Variants in ADK observed in about 807,000 individuals in gnomAD.
ADK encodes the protein adenosine kinase.
In ADK, 24 loss-of-function variants were observed where a neutral mutation model predicts 44.7. The observed-to-expected ratio is 0.54, with a 90% CI of 0.39 to 0.76. ADK has a LOEUF of 0.76. Ranked by LOEUF, ADK falls within the 30% of genes least tolerant of loss-of-function variation. ADK has a pLI of 0.00. For missense variants in ADK, 321 were observed against 425.1 expected, an observed-to-expected ratio of 0.76 and a Z score of 2.15; for synonymous variants, 128 against 142.6, an observed-to-expected ratio of 0.90 and a Z score of 0.73.
intron 3 of ADK, among the ~76,000 whole-genome samples, chr10:74,257,002 AAG>A (rs949057069): frequency 2.0e-5 from 3 of 152,022 alleles, no homozygotes; most frequent in Non-Finnish European, 4.4e-5. Context: ...TACTGCAACT[AAG>A]AGTCATTTTG....
intron 9 of ADK, among the ~76,000 whole-genome samples, chr10:74,668,407 A>G (rs1242144184): frequency 6.6e-6 from 1 of 152,160 alleles, no homozygotes. Flanking sequence ...CAACTGCCAT[A>G]TAGGCCCTCA....
chr10:74,546,851 A>AC (rs1420784516), intron 7 of ADK, among the ~76,000 whole-genome samples: 1 of 152,140 alleles, frequency 6.6e-6, no homozygotes, highest in Non-Finnish European at 1.5e-5. Context: ...TCATCAAGGT[A>AC]CCTTTAAGCG....
At chr10:74,476,429 T>A (rs1846845100) in intron 6 of ADK, among the ~76,000 whole-genome samples, 1 of 151,842 alleles carries the variant, frequency 6.6e-6, no homozygotes, top group African/African-American at 2.4e-5. Flanking sequence ...GAGGCAGAGG[T>A]TGCAGTGAGT....
intron 9 of ADK, among the ~76,000 whole-genome samples, chr10:74,664,516 C>T (rs1179010979): frequency 6.6e-6 from 1 of 152,110 alleles, no homozygotes; most frequent in African/African-American, 2.4e-5. Context: ...ACATTACCTA[C>T]TCAAAAAGTT....
intron 6 of ADK, among the ~76,000 whole-genome samples, chr10:74,448,876 C>CT (rs545075633): frequency 6.7e-6 from 1 of 149,300 alleles, no homozygotes; most frequent in African/African-American, 2.6e-5. Context: ...AGTATACTGC[C>CT]TTTTTTAAAA....
At chr10:74,176,534 CGGGGTGACG>C in intron 1 of ADK, 1 of 1,262,160 alleles carries the variant, frequency 7.9e-7, no homozygotes, top group Non-Finnish European at 1.0e-6. Flanking sequence ...CTGTAAACTG[CGGGGTGACG>C]GGACGCTGTT....
intron 3 of ADK, among the ~76,000 whole-genome samples, chr10:74,275,018 A>G (rs1437244901): frequency 6.6e-6 from 1 of 151,730 alleles, no homozygotes; most frequent in Non-Finnish European, 1.5e-5. Flanking sequence ...GGGCCAGTAA[A>G]TCATTTAGGT....
chr10:74,229,872 T>C (rs868049670), intron 3 of ADK, among the ~76,000 whole-genome samples: 16 of 151,822 alleles, frequency 1.1e-4, no homozygotes, highest in African/African-American at 3.9e-4. Flanking sequence ...CTCTTGTCTC[T>C]ACAAAAAGTT....
At chr10:74,680,141 C>T (rs374431109) in intron 10 of ADK, among the ~76,000 whole-genome samples, 208 of 151,894 alleles carry the variant, frequency 1.4e-3, no homozygotes, top group South Asian at 8.1e-3. Context: ...GGTGAAACCC[C>T]GTCTCTACTA....
intron 1 of ADK, among the ~76,000 whole-genome samples, chr10:74,173,033 A>C (rs967179539): frequency 6.6e-6 from 1 of 151,954 alleles, no homozygotes; most frequent in Non-Finnish European, 1.5e-5. Context: ...TACTGAATTT[A>C]GTATATTTGT....
intron 7 of ADK, among the ~76,000 whole-genome samples, chr10:74,588,055 T>C (rs1464516748): frequency 6.6e-6 from 1 of 152,138 alleles, no homozygotes; most frequent in Non-Finnish European, 1.5e-5. Flanking sequence ...GGACTGTTTA[T>C]TATAAAAAAT....
intron 1 of ADK, among the ~76,000 whole-genome samples, chr10:74,188,787 T>G (rs1479511246): frequency 6.6e-6 from 1 of 151,984 alleles, no homozygotes; most frequent in African/African-American, 2.4e-5. Context: ...CATACATTCA[T>G]TCAGAGACGG....
intron 6 of ADK, among the ~76,000 whole-genome samples, chr10:74,482,786 ACTCCAGAATAAT>A (rs1847120890): frequency 6.6e-6 from 1 of 152,040 alleles, no homozygotes; most frequent in African/African-American, 2.4e-5. Flanking sequence ...AAATCTTTAA[ACTCCAGAATAAT>A]CTTTGACTCT....
chr10:74,264,712 G>A (rs1004331470), intron 3 of ADK, among the ~76,000 whole-genome samples: 4 of 152,120 alleles, frequency 2.6e-5, no homozygotes, highest in Admixed American at 1.3e-4. Context: ...TCTAAGGTCA[G>A]AGTTTCCCAT....
At chr10:74,482,909 C>G (rs952695515) in intron 6 of ADK, among the ~76,000 whole-genome samples, 1 of 152,156 alleles carries the variant, frequency 6.6e-6, no homozygotes, top group African/African-American at 2.4e-5. Flanking sequence ...CATGTCAGCT[C>G]TCAAGGGCTG....
rs117641926 is a variant in ADK at position 74,538,807 on chromosome 10, G to A, written c.726+13381G>A. 7.7e-3 allele frequency among the ~76,000 whole-genome samples: 1,168 copies of A among 152,238 alleles called. 10 individuals are homozygous for A. Among genetic ancestry groups the A allele is most frequent in the Non-Finnish European group, 0.013 (874 of 67,998 alleles). ...TTTACACTTTTAAACCCTTTTTAAT[G>A]TTTCTAATAGTTAATTAATAATTTG... is the stretch of plus-strand genomic sequence containing the variant. On this transcript the variant is annotated intron_variant, in intron 7 of 10. Coordinates refer to ENST00000539909, the MANE Select transcript of ADK (RefSeq NM_006721.4).
intron 3 of ADK, among the ~76,000 whole-genome samples, chr10:74,239,745 A>G (rs12777975): frequency 6.7e-6 from 1 of 148,734 alleles, no homozygotes. Flanking sequence ...AAAAAAAGAC[A>G]CAATAAAAGT....
chr10:74,238,880 TA>T (rs1158702107), intron 3 of ADK, among the ~76,000 whole-genome samples: 19 of 145,954 alleles, frequency 1.3e-4, no homozygotes, highest in African/African-American at 5.0e-4. Flanking sequence ...TTTTTTTTTT[TA>T]AGACGGAGTC....
intron 4 of ADK, among the ~76,000 whole-genome samples, chr10:74,378,831 T>C (rs527277857): frequency 6.6e-6 from 1 of 152,048 alleles, no homozygotes; most frequent in East Asian, 1.9e-4. Flanking sequence ...CCGGGTGTGG[T>C]GGTGTGCTTC....
Sources: allele counts gnomAD v4.1 joint callset (sites outside exome capture counted in the v4.1 genomes callset), GRCh38; gene constraint gnomAD v4.1.1; transcripts MANE v1.5; gene names NCBI Gene and HGNC (gene_info 2026-07-23, HGNC 2026-07-21).